The following AP3B1 variants were observed in gnomAD, a reference collection of about 807,000 sequenced individuals.
AP3B1 encodes the protein adaptor related protein complex 3 subunit beta 1, also known as AP-3 complex subunit beta-1.
A neutral mutation model predicts 132.5 loss-of-function variants in AP3B1; 61 were observed. The ratio of observed to expected loss-of-function variants is 0.46; its 90% CI spans 0.37 to 0.57. The LOEUF is 0.57. Ranked by LOEUF, AP3B1 falls within the 20% of genes least tolerant of loss-of-function variation. AP3B1 has a pLI of 0.00. For missense variants in AP3B1, 1,120 were observed against 1,289.4 expected, an observed-to-expected ratio of 0.87 and a Z score of 2.01; for synonymous variants, 388 against 438.3, an observed-to-expected ratio of 0.89 and a Z score of 1.43.
intron 7 of AP3B1, among the ~76,000 whole-genome samples, chr5:78,193,664 TTA>T (rs1355902777): frequency 6.8e-6 from 1 of 146,400 alleles, no homozygotes; most frequent in Non-Finnish European, 1.5e-5. Flanking sequence ...ATATACATAT[TTA>T]TATATATTTA....
chr5:78,076,971 T>C (rs1749793200), intron 22 of AP3B1, among the ~76,000 whole-genome samples: 1 of 152,190 alleles, frequency 6.6e-6, no homozygotes, highest in South Asian at 2.1e-4. Flanking sequence ...GTTCTCTGAG[T>C]TGTTCTAGAA....
At chr5:78,193,770 A>ATATATTTT in intron 7 of AP3B1, among the ~76,000 whole-genome samples, 1,028 of 67,042 alleles carry the variant, frequency 0.015, 18 homozygotes, top group African/African-American at 0.051. Context: ...ATATATATAT[A>ATATATTTT]TTTTTTTTTT....
rs1160297829 is a variant in AP3B1, at chr5:78,162,871, T to A, written c.1311A>T (p.Glu437Asp). The change falls in exon 13 of 27, where the codon GAA becomes GAT. Residue 437 changes from glutamate to aspartate, a missense_variant. This residue lies in a region of AP3B1 where 906 missense variants were observed against 997.1 expected (regional missense o/e 0.91). Transcript: ENST00000255194. ...AGCCATTGAGGCACGTGTCAGTGAC[T>A]TCCAAGATGTTGGTTGCACATCTGC... Reference protein sequence around the residue: ...TIGRCATNILEVTDTCLNGLV... With the variant: ...TIGRCATNILDVTDTCLNGLV... 7 of 1,613,976 alleles carry A rather than the reference T, an allele frequency of 4.3e-6. No homozygotes were observed. The highest frequency in any genetic ancestry group is 5.9e-6 in the Non-Finnish European group (7 of 1,179,934).
At chr5:78,156,772 C>T (rs1018716011) in intron 13 of AP3B1, among the ~76,000 whole-genome samples, 2 of 152,086 alleles carry the variant, frequency 1.3e-5, no homozygotes, top group Non-Finnish European at 2.9e-5. Context: ...ACAACATTTT[C>T]CCTATTCTGC....
intron 3 of AP3B1, among the ~76,000 whole-genome samples, chr5:78,230,160 C>T (rs34339434): frequency 0.33 from 50,766 of 152,042 alleles, 8,575 homozygotes; most frequent in Middle Eastern, 0.43. Flanking sequence ...AAATCAAAAT[C>T]CAACTGTCCT....
chr5:78,043,902 C>T (rs1052853897), intron 22 of AP3B1: 3 of 353,712 alleles, frequency 8.5e-6, no homozygotes, highest in Non-Finnish European at 1.7e-5. Context: ...GGAACCATTA[C>T]CATGGGTTGG....
At chr5:78,060,501 C>T (rs1321375700) in intron 22 of AP3B1, among the ~76,000 whole-genome samples, 1 of 152,234 alleles carries the variant, frequency 6.6e-6, no homozygotes, top group Non-Finnish European at 1.5e-5. Flanking sequence ...GAATATATTA[C>T]AAATATAAAA....
chr5:78,098,027 TA>T (rs1187958147), intron 21 of AP3B1, among the ~76,000 whole-genome samples: 1 of 151,904 alleles, frequency 6.6e-6, no homozygotes, highest in Non-Finnish European at 1.5e-5. Context: ...CACTCAGGGT[TA>T]AATGGATTAA....
At chr5:78,117,125 G>C (rs1751876814) in intron 17 of AP3B1, among the ~76,000 whole-genome samples, 1 of 150,836 alleles carries the variant, frequency 6.6e-6, no homozygotes, top group African/African-American at 2.4e-5. Flanking sequence ...TCCCAGTTTA[G>C]GGCCTTCACC....
At chr5:78,053,611 C>T (rs558714281) in intron 22 of AP3B1, among the ~76,000 whole-genome samples, 4 of 140,260 alleles carry the variant, frequency 2.9e-5, no homozygotes, top group African/African-American at 1.0e-4. Context: ...ACCTGGGAGG[C>T]GGAGGTTACA....
At chr5:78,173,677 C>T (rs890821651) in intron 11 of AP3B1, among the ~76,000 whole-genome samples, 3 of 151,456 alleles carry the variant, frequency 2.0e-5, no homozygotes, top group Admixed American at 6.6e-5. Context: ...TTGCTCTTCT[C>T]GAGGAGTATC....
intron 13 of AP3B1, among the ~76,000 whole-genome samples, chr5:78,159,510 C>T (rs1249718771): frequency 2.6e-5 from 4 of 152,142 alleles, no homozygotes; most frequent in Non-Finnish European, 1.5e-5. Flanking sequence ...CCCAACTTCT[C>T]AAGCATGCCC....
intron 21 of AP3B1, among the ~76,000 whole-genome samples, chr5:78,097,879 G>T (rs541188105): frequency 6.6e-6 from 1 of 152,186 alleles, no homozygotes; most frequent in Admixed American, 6.5e-5. Context: ...GGATGGTTGC[G>T]GTGTCTGTGT....
chr5:78,043,609 C>A, intron 22 of AP3B1: 3 of 483,760 alleles, frequency 6.2e-6, no homozygotes, highest in South Asian at 4.9e-5. Flanking sequence ...GGTGGAGGGT[C>A]ACTTTGGTAC....
At chr5:78,191,384 G>C (rs1386617885) in intron 7 of AP3B1, among the ~76,000 whole-genome samples, 2 of 141,104 alleles carry the variant, frequency 1.4e-5, no homozygotes, top group Non-Finnish European at 3.0e-5. Context: ...AAAAGGATGT[G>C]TTAATTAGAC....
chr5:78,186,161 CATAAAG>C (rs897800052), intron 7 of AP3B1, among the ~76,000 whole-genome samples: 15 of 152,118 alleles, frequency 9.9e-5, no homozygotes, highest in Middle Eastern at 3.4e-3. Context: ...TCACCATAAA[CATAAAG>C]ATAAAGGCAG....
intron 17 of AP3B1, among the ~76,000 whole-genome samples, chr5:78,126,420 G>T (rs1052786500): frequency 3.4e-5 from 5 of 145,446 alleles, no homozygotes; most frequent in African/African-American, 1.3e-4. Context: ...CAGGAGAATC[G>T]CTTGAACCTG....
chr5:78,080,719 C>T (rs537591563), intron 22 of AP3B1, among the ~76,000 whole-genome samples: 134 of 145,898 alleles, frequency 9.2e-4, no homozygotes, highest in Non-Finnish European at 1.2e-3. Context: ...TAAAAATAAG[C>T]TTCCTGTTTT....
At chr5:78,273,773 G>A (rs367760523) in intron 1 of AP3B1, among the ~76,000 whole-genome samples, 79 of 152,070 alleles carry the variant, frequency 5.2e-4, no homozygotes, top group African/African-American at 1.3e-3. Flanking sequence ...GAAGATGCCC[G>A]AGGAGTATAA....
Sources: allele counts gnomAD v4.1 joint callset (sites outside exome capture counted in the v4.1 genomes callset), GRCh38; gene constraint gnomAD v4.1.1; regional missense constraint gnomAD v4.1.1; transcripts MANE v1.5; gene names NCBI Gene and HGNC (gene_info 2026-07-23, HGNC 2026-07-21).